Variants in PLCB1 observed in about 807,000 individuals in gnomAD.
PLCB1 encodes the protein 1-phosphatidylinositol 4,5-bisphosphate phosphodiesterase beta-1.
In PLCB1, 46 loss-of-function variants were observed where a neutral mutation model predicts 161.8. The observed-to-expected ratio is 0.28, with a 90% CI of 0.22 to 0.36. PLCB1 has a LOEUF of 0.36. PLCB1 is among the 10% of genes least tolerant of loss of function. PLCB1 has a pLI of 1.00. For synonymous variants in PLCB1, 517 were observed against 503.7 expected (o/e 1.03, Z -0.35); for missense variants, 1,016 against 1,472.5 (o/e 0.69, Z 5.07).
chr20:8,831,629 T>C (rs2146278026), intron 31 of PLCB1, among the ~76,000 whole-genome samples: 1 of 152,196 alleles, frequency 6.6e-6, no homozygotes, highest in Admixed American at 6.5e-5. Flanking sequence ...TTTTCGTTGT[T>C]ACTTATTTAT....
At chr20:8,311,326 A>T (rs1316029039) in intron 2 of PLCB1, among the ~76,000 whole-genome samples, 1 of 152,254 alleles carries the variant, frequency 6.6e-6, no homozygotes, top group African/African-American at 2.4e-5. Context: ...TTCAATTGGC[A>T]GAATTTAGAA....
At chr20:8,760,790 C>G (rs1269954374) in intron 25 of PLCB1, among the ~76,000 whole-genome samples, 2 of 152,124 alleles carry the variant, frequency 1.3e-5, no homozygotes, top group Non-Finnish European at 2.9e-5. Flanking sequence ...CAATAATAAA[C>G]TATATTTTAG....
At position 8,326,228 on chromosome 20, in the gene PLCB1, G is replaced by A. The variant is rs188720194; in HGVS notation, c.178-45154G>A. On this transcript the variant is annotated intron_variant, in intron 2 of 31. Coordinates refer to ENST00000338037, the MANE Select transcript of PLCB1 (RefSeq NM_015192.4). ...CTTCATACTAAATATTAATTCTCTG[G>A]GAAATTATATAGTGATATATTGACC... Among the ~76,000 whole-genome samples, 7 of 152,034 alleles carry A rather than the reference G, an allele frequency of 4.6e-5. No individual in the cohort carries two copies. In the East Asian group the frequency reaches 1.4e-3, roughly 29 times the overall value.
chr20:8,488,140 T>G (rs1481510268), intron 3 of PLCB1, among the ~76,000 whole-genome samples: 1 of 152,238 alleles, frequency 6.6e-6, no homozygotes, highest in Non-Finnish European at 1.5e-5. Flanking sequence ...TGAAGAAACA[T>G]GAAAATTCTA....
At chr20:8,383,473 C>T (rs182754228) in intron 3 of PLCB1, among the ~76,000 whole-genome samples, 1 of 152,230 alleles carries the variant, frequency 6.6e-6, no homozygotes, top group Admixed American at 6.5e-5. Context: ...ACCGATGGGT[C>T]TTGACTCTAT....
intron 2 of PLCB1, among the ~76,000 whole-genome samples, chr20:8,284,236 A>G (rs555725562): frequency 2.0e-4 from 30 of 152,232 alleles, no homozygotes; most frequent in African/African-American, 6.7e-4. Context: ...TTGAATGACT[A>G]GAACATATAT....
At chr20:8,846,934 A>G (rs1986709304) in intron 31 of PLCB1, among the ~76,000 whole-genome samples, 1 of 151,788 alleles carries the variant, frequency 6.6e-6, no homozygotes, top group African/African-American at 2.4e-5. Context: ...CATCCATCTC[A>G]CTTCTTTATT....
chr20:8,508,225 A>G (rs1983722320), intron 3 of PLCB1, among the ~76,000 whole-genome samples: 1 of 152,172 alleles, frequency 6.6e-6, no homozygotes, highest in East Asian at 1.9e-4. Context: ...AAGGGAAAAT[A>G]AACTCCTTCC....
chr20:8,798,589 CACACA>C (rs1264870814), intron 31 of PLCB1, among the ~76,000 whole-genome samples: 1 of 152,082 alleles, frequency 6.6e-6, no homozygotes, highest in Non-Finnish European at 1.5e-5. Context: ...CACACACACA[CACACA>C]CCCCTGGCCC....
chr20:8,254,467 G>T (rs1225187484), intron 2 of PLCB1, among the ~76,000 whole-genome samples: 2 of 151,860 alleles, frequency 1.3e-5, no homozygotes, highest in Admixed American at 1.3e-4. Flanking sequence ...TTGTTCTGTT[G>T]TTCAAAATAA....
At chr20:8,417,121 C>G (rs1161745416) in intron 3 of PLCB1, among the ~76,000 whole-genome samples, 1 of 104,000 alleles carries the variant, frequency 9.6e-6, no homozygotes, top group Non-Finnish European at 1.7e-5. Flanking sequence ...GAGTCTCACT[C>G]TGTCGCCCAG....
At chr20:8,295,215 G>A (rs930360497) in intron 2 of PLCB1, among the ~76,000 whole-genome samples, 1 of 152,148 alleles carries the variant, frequency 6.6e-6, no homozygotes, top group African/African-American at 2.4e-5. Flanking sequence ...TCAAGGCAAT[G>A]ATATAGGTAA....
intron 31 of PLCB1, among the ~76,000 whole-genome samples, chr20:8,824,896 C>T (rs541163699): frequency 1.9e-4 from 29 of 152,192 alleles, no homozygotes; most frequent in South Asian, 1.2e-3. Flanking sequence ...AACACACACC[C>T]CATAACATCC....
chr20:8,620,828 C>T (rs1988162571), intron 3 of PLCB1, among the ~76,000 whole-genome samples: 1 of 150,932 alleles, frequency 6.6e-6, no homozygotes, highest in Non-Finnish European at 1.5e-5. Context: ...GTCAAAAGCT[C>T]ACAGCATAGA....
chr20:8,232,448 C>T (rs560850993), intron 2 of PLCB1, among the ~76,000 whole-genome samples: 2 of 152,298 alleles, frequency 1.3e-5, no homozygotes, highest in South Asian at 4.1e-4. Flanking sequence ...CTGCTCTGCT[C>T]TTCACTAGTA....
At chr20:8,217,304 C>T (rs1979185825) in intron 2 of PLCB1, among the ~76,000 whole-genome samples, 1 of 152,004 alleles carries the variant, frequency 6.6e-6, no homozygotes, top group Non-Finnish European at 1.5e-5. Context: ...GGGGTCAGAG[C>T]CTCAGGAAAT....
Position 8,725,894 on chromosome 20 carries a change from TA to T in PLCB1, c.1678+1144del, listed in dbSNP as rs1489033326. Among the ~76,000 whole-genome samples, 5 of 152,268 alleles carry T rather than the reference TA, an allele frequency of 3.3e-5. No homozygotes were observed. The East Asian group carries it at 9.7e-4, about 29-fold the overall frequency. The stretch of plus-strand genomic sequence containing the variant: ...TCTCCTTGTGTTTAATATCATTTTA[TA>T]ACCTTGAAAAAAGAATATTCAACAT... On this transcript the variant is annotated intron_variant, in intron 16 of 31. Coordinates refer to ENST00000338037, the MANE Select transcript of PLCB1 (RefSeq NM_015192.4).
intron 3 of PLCB1, among the ~76,000 whole-genome samples, chr20:8,433,833 C>T (rs1399128952): frequency 6.6e-6 from 1 of 152,052 alleles, no homozygotes; most frequent in Non-Finnish European, 1.5e-5. Context: ...TACATAGATG[C>T]TCAAAATTTT....
intron 27 of PLCB1, among the ~76,000 whole-genome samples, chr20:8,777,586 G>A (rs776567119): frequency 1.7e-4 from 26 of 151,980 alleles, no homozygotes; most frequent in Non-Finnish European, 2.8e-4. Context: ...AGGCATGGTG[G>A]TGGGTGCCTG....
Sources: allele counts gnomAD v4.1 joint callset (sites outside exome capture counted in the v4.1 genomes callset), GRCh38; gene constraint gnomAD v4.1.1; transcripts MANE v1.5; gene names NCBI Gene and HGNC (gene_info 2026-07-23, HGNC 2026-07-21).